FANCC: variants seen among roughly 807,000 people sequenced by gnomAD.
FANCC encodes Fanconi anemia group C protein.
Under a neutral mutation model 71.3 loss-of-function variants are expected in FANCC, and 55 were observed. That is an observed-to-expected ratio of 0.77 (90% CI 0.62 to 0.97). FANCC has a LOEUF of 0.97. Ranked by LOEUF, FANCC falls within the 50% of genes least tolerant of loss-of-function variation. The probability of loss-of-function intolerance (pLI) is 0.00; values close to 1 mark genes in which losing one functional copy is unlikely to be tolerated. For synonymous variants in FANCC, 275 were observed against 244.9 expected, an observed-to-expected ratio of 1.12 and a Z score of -1.15; for missense variants, 678 against 670.9, an observed-to-expected ratio of 1.01 and a Z score of -0.12.
intron 1 of FANCC, among the ~76,000 whole-genome samples, chr9:95,308,931 C>A (rs527476082): frequency 2.0e-5 from 3 of 152,214 alleles, no homozygotes; most frequent in Non-Finnish European, 4.4e-5. Flanking sequence ...TCACTTGAGT[C>A]CAGGAGGGCA....
intron 4 of FANCC, among the ~76,000 whole-genome samples, chr9:95,208,440 C>T (rs113363794): frequency 1.1e-4 from 16 of 152,086 alleles, no homozygotes; most frequent in African/African-American, 3.6e-4. Flanking sequence ...TTATCTCCTA[C>T]TATGCCATTG....
At chr9:95,250,197 A>C (rs529923921) in intron 1 of FANCC, among the ~76,000 whole-genome samples, 1 of 152,330 alleles carries the variant, frequency 6.6e-6, no homozygotes, top group African/African-American at 2.4e-5. Context: ...TGGAAGCCAG[A>C]AGCAGGAATC....
In FANCC at chr9:95,101,039, C is replaced by T. The variant is rs756756014; in HGVS notation, c.*668G>A. On this transcript the variant is annotated 3_prime_UTR_variant, in exon 15 of 15. Coordinates refer to ENST00000289081, the MANE Select transcript of FANCC (RefSeq NM_000136.3). ...GTTTCTGGAACACATCCTCTACCTTCGCCTGCCGGCTCCTCTGATGTCCCA... is the reference window on the plus strand; with the variant it reads ...GTTTCTGGAACACATCCTCTACCTTTGCCTGCCGGCTCCTCTGATGTCCCA... The T allele has an allele frequency of 9.4e-5, 22 of 234,320 alleles. No individual in the cohort carries two copies. The South Asian group carries it at 1.4e-3, about 15-fold the overall frequency. The allele number at this position is 234,320 out of a possible 1,614,324, so 14.5% of individuals were successfully genotyped here.
At chr9:95,169,144 T>A (rs1372385235) in intron 6 of FANCC, among the ~76,000 whole-genome samples, 1 of 152,058 alleles carries the variant, frequency 6.6e-6, no homozygotes, top group Non-Finnish European at 1.5e-5. Context: ...TTCAACTTAA[T>A]AAGGAAAGAA....
chr9:95,139,533 A>G (rs1000629062), intron 7 of FANCC, among the ~76,000 whole-genome samples: 2 of 152,146 alleles, frequency 1.3e-5, no homozygotes, highest in Non-Finnish European at 2.9e-5. Flanking sequence ...GGATGGCGGA[A>G]CAGAGTGTGG....
At chr9:95,188,579 T>C (rs1826878853) in intron 4 of FANCC, among the ~76,000 whole-genome samples, 1 of 152,200 alleles carries the variant, frequency 6.6e-6, no homozygotes, top group Admixed American at 6.5e-5. Context: ...CCTTGGTACA[T>C]ATTGCTCCTG....
intron 4 of FANCC, among the ~76,000 whole-genome samples, chr9:95,179,810 CAT>C (rs1826230702): frequency 6.6e-6 from 1 of 152,180 alleles, no homozygotes; most frequent in Admixed American, 6.5e-5. Flanking sequence ...AGAAATAGCA[CAT>C]GATGAGTAGT....
chr9:95,301,231 TAAC>T (rs1192322909), intron 1 of FANCC, among the ~76,000 whole-genome samples: 7 of 150,876 alleles, frequency 4.6e-5, no homozygotes, highest in African/African-American at 1.7e-4. Context: ...ACAGAGGAGT[TAAC>T]AGTGCATGAA....
intron 1 of FANCC, among the ~76,000 whole-genome samples, chr9:95,250,217 G>C (rs567646907): frequency 6.6e-6 from 1 of 152,156 alleles, no homozygotes; most frequent in Non-Finnish European, 1.5e-5. Flanking sequence ...CGCAGAGGAG[G>C]GAAGGCTGCC....
intron 1 of FANCC, among the ~76,000 whole-genome samples, chr9:95,260,939 C>T (rs1263920902): frequency 6.6e-6 from 1 of 152,188 alleles, no homozygotes; most frequent in African/African-American, 2.4e-5. Flanking sequence ...CTAGCACTTG[C>T]TCCCTCCTTT....
chr9:95,211,136 A>C (rs1399543486), intron 4 of FANCC, among the ~76,000 whole-genome samples: 1 of 152,202 alleles, frequency 6.6e-6, no homozygotes, highest in Non-Finnish European at 1.5e-5. Context: ...AACAGGCAGC[A>C]CCAGACTGTG....
Position 95,100,499 on chromosome 9 carries a change from A to T in FANCC, c.*1208T>A, listed in dbSNP as rs2071037056. On this transcript the variant is annotated 3_prime_UTR_variant, in exon 15 of 15. Coordinates refer to ENST00000289081, the MANE Select transcript of FANCC (RefSeq NM_000136.3). ...TAATACACACAAATCAAAATGGACA[A>T]AAGCAAGTCTTGACTCACTTGACAA... is the stretch of plus-strand genomic sequence containing the variant. 4.3e-6 allele frequency: 1 copy of T among 232,152 alleles called. No homozygotes were observed. Among genetic ancestry groups the T allele is most frequent in the African/African-American group, 2.2e-5 (1 of 45,288 alleles). 14.4% of individuals were successfully genotyped at this position (232,152 alleles called of 1,614,324 possible).
intron 11 of FANCC, 42 bp from the exon 12 acceptor site, chr9:95,114,752 T>C (rs1321208240): frequency 6.3e-7 from 1 of 1,578,650 alleles, no homozygotes; most frequent in Non-Finnish European, 8.7e-7. Context: ...ACTGAGGAAA[T>C]GTCAAGCCCA....
At chr9:95,272,029 C>G (rs1000498570) in intron 1 of FANCC, among the ~76,000 whole-genome samples, 1 of 147,272 alleles carries the variant, frequency 6.8e-6, no homozygotes, top group Non-Finnish European at 1.5e-5. Context: ...CTCAACCTCC[C>G]GGGTTCACGC....
chr9:95,282,042 C>T (rs1490295993), intron 1 of FANCC, among the ~76,000 whole-genome samples: 1 of 151,180 alleles, frequency 6.6e-6, no homozygotes, highest in African/African-American at 2.4e-5. Context: ...AGTAGTAAAT[C>T]CTTACCTACC....
chr9:95,121,858 ATTT>A (rs61191938), intron 10 of FANCC, among the ~76,000 whole-genome samples: 3 of 138,088 alleles, frequency 2.2e-5, no homozygotes, highest in Non-Finnish European at 1.6e-5. Flanking sequence ...CATAAAATTC[ATTT>A]TTTTTTTTTT....
chr9:95,168,413 T>A (rs1175517775), intron 6 of FANCC, among the ~76,000 whole-genome samples: 1 of 152,244 alleles, frequency 6.6e-6, no homozygotes, highest in African/African-American at 2.4e-5. Context: ...CCCCAAGGCA[T>A]CAAAAGTAGT....
intron 1 of FANCC, among the ~76,000 whole-genome samples, chr9:95,252,274 C>CAA (rs71366284): frequency 0.031 from 1,574 of 50,038 alleles, 103 homozygotes; most frequent in East Asian, 0.075. Flanking sequence ...GAGACTGATT[C>CAA]AAAAAAAAAA....
At chr9:95,310,305 T>C (rs1835311238) in intron 1 of FANCC, among the ~76,000 whole-genome samples, 1 of 151,332 alleles carries the variant, frequency 6.6e-6, no homozygotes, top group Non-Finnish European at 1.5e-5. Context: ...AGTTTGAGGC[T>C]GCAGTGAGCT....
Sources: allele counts gnomAD v4.1 joint callset (sites outside exome capture counted in the v4.1 genomes callset), GRCh38; gene constraint gnomAD v4.1.1; transcripts MANE v1.5; gene names NCBI Gene and HGNC (gene_info 2026-07-23, HGNC 2026-07-21).